The following EIF2AK2 variants were observed in gnomAD, a reference collection of about 807,000 sequenced individuals.
The protein encoded by EIF2AK2 is interferon-induced, double-stranded RNA-activated protein kinase.
A neutral mutation model predicts 70.5 loss-of-function variants in EIF2AK2; 40 were observed. The ratio of observed to expected loss-of-function variants is 0.57; its 90% CI spans 0.44 to 0.74. EIF2AK2 has a LOEUF of 0.74. Among genes scored for constraint, EIF2AK2 ranks in the 30% least tolerant of loss-of-function variants. The pLI, the probability that EIF2AK2 is intolerant of heterozygous loss-of-function variation, is 0.00. For missense variants in EIF2AK2, 555 were observed against 644.3 expected (o/e 0.86, Z 1.50); for synonymous variants, 198 against 220.9 (o/e 0.90, Z 0.92).
intron 14 of EIF2AK2, 82 bp from the exon 15 acceptor site, chr2:37,109,377 A>C (rs2148663729): frequency 1.7e-6 from 2 of 1,167,238 alleles, no homozygotes; most frequent in South Asian, 2.8e-5. Context: ...AAGTTATTTG[A>C]CCAAAACATC....
At chr2:37,109,143 G>A in intron 15 of EIF2AK2, 51 bp downstream of exon 15, 1 of 1,544,966 alleles carries the variant, frequency 6.5e-7, no homozygotes, top group Non-Finnish European at 8.9e-7. Flanking sequence ...CACTCTGAAG[G>A]TGGTAGTCAG....
intron 11 of EIF2AK2, among the ~76,000 whole-genome samples, chr2:37,125,625 G>A (rs1020702446): frequency 7.9e-5 from 12 of 152,162 alleles, no homozygotes; most frequent in South Asian, 2.1e-4. Context: ...GCCCACAGCC[G>A]GTGTCAACTG....
At chr2:37,124,385 C>T (rs1484045331) in intron 11 of EIF2AK2, among the ~76,000 whole-genome samples, 8 of 152,118 alleles carry the variant, frequency 5.3e-5, no homozygotes, top group African/African-American at 1.9e-4. Context: ...CCTCAGCCTC[C>T]CAAGTAGCTG....
chr2:37,130,683 AG>A (rs1674910075), intron 10 of EIF2AK2, among the ~76,000 whole-genome samples: 2 of 152,192 alleles, frequency 1.3e-5, no homozygotes, highest in Admixed American at 6.5e-5. Context: ...ACGCTGACAC[AG>A]GCTACTCCCA....
At chr2:37,149,364 AAG>A (rs1675665254) in intron 1 of EIF2AK2, 3 of 604,806 alleles carry the variant, frequency 5.0e-6, no homozygotes, top group Non-Finnish European at 8.6e-6. Context: ...CGGTTACTCT[AAG>A]ATACATTTTA....
intron 10 of EIF2AK2, 103 bp from the exon 11 acceptor site, chr2:37,126,514 A>G: frequency 1.3e-6 from 2 of 1,482,120 alleles, no homozygotes; most frequent in Non-Finnish European, 1.8e-6. Context: ...AATGGACAAT[A>G]AAACAAATTT....
At chr2:37,154,426 G>C (rs553095282) in intron 1 of EIF2AK2, among the ~76,000 whole-genome samples, 1 of 152,206 alleles carries the variant, frequency 6.6e-6, no homozygotes, top group East Asian at 1.9e-4. Context: ...GTTACCAATG[G>C]CTTCCCTATC....
At chr2:37,150,892 C>A (rs1675718034) in intron 1 of EIF2AK2, among the ~76,000 whole-genome samples, 1 of 152,168 alleles carries the variant, frequency 6.6e-6, no homozygotes, top group African/African-American at 2.4e-5. Flanking sequence ...ATTAAGACCT[C>A]TGTTTATAGG....
At chr2:37,141,819 A>G (rs1675342997) in intron 4 of EIF2AK2, 118 bp from the exon 5 acceptor site, 1 of 1,102,080 alleles carries the variant, frequency 9.1e-7, no homozygotes, top group East Asian at 2.7e-5. Flanking sequence ...TGGATGTTAT[A>G]TATTTTCCTA....
At chr2:37,116,486 AAC>A (rs1674345162) in intron 13 of EIF2AK2, among the ~76,000 whole-genome samples, 1 of 152,232 alleles carries the variant, frequency 6.6e-6, no homozygotes, top group African/African-American at 2.4e-5. Flanking sequence ...TCTTAGGCTA[AAC>A]ACACAGACTC....
chr2:37,108,606 G>C (rs1674041606), intron 15 of EIF2AK2, among the ~76,000 whole-genome samples: 1 of 152,134 alleles, frequency 6.6e-6, no homozygotes, highest in African/African-American at 2.4e-5. Flanking sequence ...ATGTCACTCT[G>C]TCACCCAGGC....
intron 6 of EIF2AK2, among the ~76,000 whole-genome samples, chr2:37,139,143 C>A (rs34219688): frequency 0.16 from 24,265 of 151,458 alleles, 2,286 homozygotes; most frequent in Admixed American, 0.28. Flanking sequence ...TAGTGAAACC[C>A]CATCTCTACT....
chr2:37,148,295 C>G (rs967183073), intron 2 of EIF2AK2, among the ~76,000 whole-genome samples: 1 of 152,158 alleles, frequency 6.6e-6, no homozygotes, highest in Non-Finnish European at 1.5e-5. Context: ...AGTAAAAAGG[C>G]TGCAGGATTG....
At chr2:37,150,785 T>G (rs1675715171) in intron 1 of EIF2AK2, among the ~76,000 whole-genome samples, 1 of 152,316 alleles carries the variant, frequency 6.6e-6, no homozygotes, top group African/African-American at 2.4e-5. Context: ...TCATGAAGGA[T>G]TTAACTGTAT....
At chr2:37,118,088 A>G (rs1189022155) in intron 13 of EIF2AK2, among the ~76,000 whole-genome samples, 1 of 151,886 alleles carries the variant, frequency 6.6e-6, no homozygotes, top group Non-Finnish European at 1.5e-5. Flanking sequence ...CAGGAGGATC[A>G]CTTTGAGTCT....
chr2:37,138,170 A>C, intron 8 of EIF2AK2, 100 bp downstream of exon 8: 2 of 975,976 alleles, frequency 2.0e-6, no homozygotes, highest in South Asian at 1.8e-5. Flanking sequence ...CATAAGATAA[A>C]AAATATAAAA....
At chr2:37,147,118 A>T (rs1275033570) in intron 3 of EIF2AK2, 145 bp from the exon 4 acceptor site, 1 of 706,492 alleles carries the variant, frequency 1.4e-6, no homozygotes, top group African/African-American at 1.8e-5. Flanking sequence ...CACCTCAAAC[A>T]GTAAAGCAGC....
Position 37,118,331 on chromosome 2 carries a change from A to T in EIF2AK2, c.1248+1628T>A, listed in dbSNP as rs187286402. On this transcript the variant is annotated intron_variant, in intron 13 of 16. Coordinates refer to ENST00000233057, the MANE Select transcript of EIF2AK2 (RefSeq NM_001135651.3). ...CTTGTCTCAAAAAAAAATAAAAATT[A>T]AAAATTTAAGAAGAATAATAAAGTC... 1.7e-3 allele frequency among the ~76,000 whole-genome samples: 254 copies of T among 152,296 alleles called. 1 individual carries two copies. Among genetic ancestry groups the T allele is most frequent in the African/African-American group, 6.0e-3 (249 of 41,574 alleles).
intron 4 of EIF2AK2, among the ~76,000 whole-genome samples, chr2:37,143,667 T>G (rs1371343314): frequency 6.6e-6 from 1 of 152,100 alleles, no homozygotes; most frequent in African/African-American, 2.4e-5. Context: ...GCAGATTGCT[T>G]GAGTCCAGGA....
Sources: gnomAD v4.1 joint callset for allele counts (sites outside exome capture counted in the v4.1 genomes callset) on GRCh38, gnomAD v4.1.1 for gene constraint, MANE v1.5 for transcripts, NCBI Gene and HGNC (gene_info 2026-07-23, HGNC 2026-07-21) for gene names.